Variants in PRKG1 observed in about 807,000 individuals in gnomAD.
PRKG1 encodes the protein cGMP-dependent protein kinase 1.
In PRKG1, 35 loss-of-function variants were observed where a neutral mutation model predicts 88.1. The observed-to-expected ratio is 0.40, with a 90% CI of 0.30 to 0.53. The LOEUF is 0.53. PRKG1 is among the 20% of genes least tolerant of loss of function. The pLI is 0.59. For synonymous variants in PRKG1, 303 were observed against 292.5 expected (o/e 1.04, Z -0.37); for missense variants, 540 against 839.8 (o/e 0.64, Z 4.41).
At chr10:52,091,366 A>G (rs1444729070) in intron 7 of PRKG1, among the ~76,000 whole-genome samples, 1 of 152,190 alleles carries the variant, frequency 6.6e-6, no homozygotes. Context: ...ACCCACTTAG[A>G]TAATCTCCCT....
intron 10 of PRKG1, among the ~76,000 whole-genome samples, chr10:52,264,352 TCA>T (rs1366183752): frequency 3.3e-5 from 5 of 152,116 alleles, no homozygotes; most frequent in African/African-American, 1.2e-4. Context: ...GATAAGATAC[TCA>T]CAGTCTCTCA....
intron 5 of PRKG1, among the ~76,000 whole-genome samples, chr10:51,960,175 G>C (rs946844898): frequency 6.6e-6 from 1 of 150,574 alleles, no homozygotes; most frequent in African/African-American, 2.4e-5. Flanking sequence ...ACATTGAAAA[G>C]GAAATTATTT....
In PRKG1 at chr10:51,334,886, A is replaced by T. The variant is rs578195786; in HGVS notation, c.479-132837A>T. ...AGGGAATGTAGGAGAAGACTTTCAG[A>T]CAGATGTGATGTCTAGATGTTTGCC... On this transcript the variant is annotated intron_variant, in intron 2 of 17. Transcript: ENST00000373980. Among the ~76,000 whole-genome samples the T allele has an allele frequency of 5.3e-5, 8 of 152,246 alleles. No homozygotes were observed. In the South Asian group the frequency reaches 1.7e-3, roughly 32 times the overall value.
chr10:51,277,778 G>T (rs1344908136), intron 2 of PRKG1, among the ~76,000 whole-genome samples: 2 of 152,208 alleles, frequency 1.3e-5, no homozygotes, highest in African/African-American at 2.4e-5. Context: ...GTATAGCAAT[G>T]CTTGTGATTT....
chr10:52,065,505 T>C (rs1846335024), intron 7 of PRKG1, among the ~76,000 whole-genome samples: 1 of 147,264 alleles, frequency 6.8e-6, no homozygotes, highest in Non-Finnish European at 1.5e-5. Flanking sequence ...AGATGACAGG[T>C]TTTATTTTCT....
At chr10:51,453,341 T>C (rs1325319960) in intron 2 of PRKG1, among the ~76,000 whole-genome samples, 1 of 152,016 alleles carries the variant, frequency 6.6e-6, no homozygotes, top group African/African-American at 2.4e-5. Flanking sequence ...GTGATTTCTT[T>C]GATTCTGCTG....
At chr10:50,998,910 T>C (rs143894726) in intron 1 of PRKG1, among the ~76,000 whole-genome samples, 1 of 152,366 alleles carries the variant, frequency 6.6e-6, no homozygotes, top group Admixed American at 6.5e-5. Context: ...ATTGCTGTTC[T>C]TAAATAACAG....
chr10:52,024,147 A>G (rs987927615), intron 5 of PRKG1, among the ~76,000 whole-genome samples: 2 of 152,176 alleles, frequency 1.3e-5, no homozygotes, highest in Admixed American at 1.3e-4. Context: ...GGATACAAAC[A>G]AATGGAAAAA....
chr10:52,075,975 A>T (rs756954078), intron 7 of PRKG1, among the ~76,000 whole-genome samples: 8 of 152,212 alleles, frequency 5.3e-5, no homozygotes, highest in Non-Finnish European at 8.8e-5. Context: ...TTCAATATAC[A>T]CATATAAATT....
At chr10:51,963,053 T>A (rs1372785364) in intron 5 of PRKG1, among the ~76,000 whole-genome samples, 1 of 152,178 alleles carries the variant, frequency 6.6e-6, no homozygotes, top group Non-Finnish European at 1.5e-5. Context: ...CACCTGCTTA[T>A]TTATTTTATG....
intron 5 of PRKG1, among the ~76,000 whole-genome samples, chr10:51,970,672 A>C (rs1320654370): frequency 6.8e-6 from 1 of 146,070 alleles, no homozygotes; most frequent in African/African-American, 2.5e-5. Flanking sequence ...TATTGTATAC[A>C]TGATTAATCA....
intron 1 of PRKG1, among the ~76,000 whole-genome samples, chr10:51,107,723 C>T (rs560252384): frequency 7.7e-5 from 11 of 143,564 alleles, no homozygotes; most frequent in African/African-American, 2.9e-4. Context: ...ACTTGGGAGG[C>T]TGAGCTGGGA....
At chr10:51,869,800 A>G (rs1207185637) in intron 4 of PRKG1, among the ~76,000 whole-genome samples, 1 of 152,196 alleles carries the variant, frequency 6.6e-6, no homozygotes. Context: ...TAATTTTGAA[A>G]CAAAGATGTG....
chr10:51,989,643 T>A (rs1434808958), intron 5 of PRKG1, among the ~76,000 whole-genome samples: 2 of 151,682 alleles, frequency 1.3e-5, no homozygotes, highest in Non-Finnish European at 2.9e-5. Context: ...CTAGGACCCA[T>A]GAAGGCACTT....
chr10:52,218,018 C>G (rs1459543466), intron 9 of PRKG1, among the ~76,000 whole-genome samples: 2 of 151,844 alleles, frequency 1.3e-5, no homozygotes, highest in African/African-American at 4.8e-5. Flanking sequence ...TCAAGACCAG[C>G]CTGACCAACA....
intron 5 of PRKG1, among the ~76,000 whole-genome samples, chr10:51,954,997 A>T (rs1316232367): frequency 6.6e-6 from 1 of 152,116 alleles, no homozygotes; most frequent in Non-Finnish European, 1.5e-5. Flanking sequence ...AACAAAGTTC[A>T]GACTGTCATT....
At chr10:51,124,451 G>A (rs924136129) in intron 1 of PRKG1, among the ~76,000 whole-genome samples, 10 of 151,972 alleles carry the variant, frequency 6.6e-5, no homozygotes, top group Non-Finnish European at 8.8e-5. Context: ...ACCTATTTAC[G>A]TTGAGGAGAA....
At chr10:52,254,275 G>A (rs1169923165) in intron 10 of PRKG1, among the ~76,000 whole-genome samples, 3 of 151,860 alleles carry the variant, frequency 2.0e-5, no homozygotes, top group African/African-American at 4.8e-5. Context: ...TGAGAATGAC[G>A]CATGCAAGAT....
Position 51,699,133 on chromosome 10 carries a change from C to G in PRKG1, c.593-105452C>G, listed in dbSNP as rs202105810. The G allele has an allele frequency of 2.5e-5, 40 of 1,614,234 alleles. No individual in the cohort carries two copies. In the Admixed American group the frequency reaches 6.5e-4, roughly 26 times the overall value. ...TCATCTGCTTCATCAGCTCAAACATCTGCTCCGGGGGGAGACTGGCTACTG... is the reference window on the plus strand; with the variant it reads ...TCATCTGCTTCATCAGCTCAAACATGTGCTCCGGGGGGAGACTGGCTACTG... On this transcript the variant is annotated intron_variant, in intron 3 of 17. Coordinates refer to ENST00000373980, the MANE Select transcript of PRKG1 (RefSeq NM_006258.4).
Sources: allele counts gnomAD v4.1 joint callset (sites outside exome capture counted in the v4.1 genomes callset), GRCh38; gene constraint gnomAD v4.1.1; transcripts MANE v1.5; gene names NCBI Gene and HGNC (gene_info 2026-07-23, HGNC 2026-07-21).